KCP: variants seen among roughly 807,000 people sequenced by gnomAD.
KCP encodes the protein kielin/chordin-like protein.
KCP carries 194 observed loss-of-function variants against 212.7 expected under a neutral mutation model. The ratio of observed to expected loss-of-function variants is 0.91; its 90% CI spans 0.81 to 1.03. KCP has a LOEUF of 1.03. Ranked by LOEUF, KCP falls within the 50% of genes least tolerant of loss-of-function variation. The probability of loss-of-function intolerance (pLI) is 0.00; values close to 1 mark genes in which losing one functional copy is unlikely to be tolerated. For missense variants in KCP, 2,080 were observed against 2,162.5 expected (o/e 0.96, Z 0.76); for synonymous variants, 833 against 865.3 (o/e 0.96, Z 0.65).
chr7:128,881,893 GGAA>G, intron 30 of KCP, 41 bp downstream of exon 30: 1 of 1,524,048 alleles, frequency 6.6e-7, no homozygotes, highest in Non-Finnish European at 8.9e-7. Context: ...CCACAGAGAA[GGAA>G]GAAGAGGGGC....
At chr7:128,893,613 CT>C in intron 11 of KCP, 137 bp from the exon 12 acceptor site, 2 of 958,924 alleles carry the variant, frequency 2.1e-6, no homozygotes, top group Admixed American at 2.2e-5. Context: ...CAGCAGCCCC[CT>C]GCCCCCCACA....
intron 7 of KCP, chr7:128,903,131 C>T: frequency 1.9e-6 from 1 of 519,542 alleles, no homozygotes; most frequent in Admixed American, 3.5e-5. Flanking sequence ...CTCGTCACCT[C>T]TCACACCTTC....
Position 128,908,424 on chromosome 7 carries a change from A to G in KCP, c.219+2T>C. 1.3e-6 allele frequency: 2 copies of G among 1,550,978 alleles called. No individual in the cohort carries two copies. Among genetic ancestry groups the G allele is most frequent in the Middle Eastern group, 1.7e-4 (1 of 5,988 alleles). On this transcript the variant is annotated splice_donor_variant, in intron 2 of 39. Coordinates refer to ENST00000610776, the MANE Select transcript of KCP (RefSeq NM_001366122.1). LOFTEE classifies it high-confidence loss of function. Reference sequence around the variant, plus strand: ...TGCAAACCAGCACTGTCTCCATGGTACCTGTTCTCTGAGCTCCATCACTGC... The same window carrying G: ...TGCAAACCAGCACTGTCTCCATGGTGCCTGTTCTCTGAGCTCCATCACTGC...
At position 128,891,694 on chromosome 7, in the gene KCP, G is replaced by A; in HGVS notation, c.1747C>T (p.Pro583Ser). The A allele has an allele frequency of 6.9e-7, 1 of 1,451,892 alleles. No individual in the cohort carries two copies. The highest frequency in any genetic ancestry group is 9.1e-7 in the Non-Finnish European group (1 of 1,100,946). The allele number at this position is 1,451,892 out of a possible 1,614,324, so 89.9% of individuals were successfully genotyped here. ...HCQPRPCPRA[P>S]CAHPLPGTCC... ...GTCCCAGGCAGCGGGTGGGCACAGG[G>A]GGCCCTGGGGCAGGGGCGAGGCTGG... is the stretch of plus-strand genomic sequence containing the variant. The change falls in exon 17 of 40, where the codon CCC becomes TCC. Residue 583 changes from proline (P) to serine (S), a missense_variant. Coordinates refer to ENST00000610776, the MANE Select transcript of KCP (RefSeq NM_001366122.1).
intron 26 of KCP, 40 bp downstream of exon 26, chr7:128,886,424 A>C: frequency 6.7e-7 from 1 of 1,500,204 alleles, no homozygotes; most frequent in African/African-American, 1.4e-5. Flanking sequence ...ACACAGGGCC[A>C]AGGGGCTGAA....
rs1194422569 is a variant in KCP at position 128,877,760 on chromosome 7, A to G, written c.4342T>C (p.Cys1448Arg). ...VSEGLWPGRPCSAGREVDPCR... is the reference protein window; with the variant it reads ...VSEGLWPGRPRSAGREVDPCR... ...GGATCCACCTCTCGGCCTGCAGAAC[A>G]GGGCCGGCCAGGCCACAGCCCCTCT... is the stretch of plus-strand genomic sequence containing the variant. Residue 1448 changes from cysteine to arginine, a missense_variant, in exon 39 of 40, where the codon TGT becomes CGT. Coordinates refer to ENST00000610776, the MANE Select transcript of KCP (RefSeq NM_001366122.1). 1.3e-6 allele frequency: 2 copies of G among 1,550,012 alleles called. No homozygotes were observed. Among genetic ancestry groups the G allele is most frequent in the South Asian group, 2.4e-5 (2 of 84,020 alleles).
chr7:128,879,717 C>T lies in KCP; in HGVS notation c.4044+1G>A. 1 of 1,550,146 alleles carries T rather than the reference C, an allele frequency of 6.5e-7. No individual in the cohort carries two copies. Among genetic ancestry groups the T allele is most frequent in the Non-Finnish European group, 8.7e-7 (1 of 1,146,944 alleles). ...TTCCTCCACTCCTCGGCTTTGCTCA[C>T]CGTGACTGCCCCGTCCTGCAGCAGC... On this transcript the variant is annotated splice_donor_variant, in intron 36 of 39. Transcript: ENST00000610776. LOFTEE classifies it high-confidence loss of function.
At position 128,880,063 on chromosome 7, in the gene KCP, G is replaced by A; in HGVS notation, c.3782C>T (p.Pro1261Leu). Residue 1261 changes from proline (P) to leucine (L), a missense_variant, in exon 35 of 40, where the codon CCT (proline) becomes CTT (leucine). Pro to Leu is a moderately conservative substitution (Grantham distance 98, BLOSUM62 -3). Coordinates refer to ENST00000610776, the MANE Select transcript of KCP (RefSeq NM_001366122.1). ...CAGGCAGCGGGGGCAGCAGCTGCCA[G>A]GACTCAGGGCAGGGGCCTTGTCCTG... The part of the protein sequence containing the change: ...CGPDKAPALS[P>L]GSCCPRCLPR... 6.5e-7 allele frequency: 1 copy of A among 1,545,844 alleles called. No homozygotes were observed. Among genetic ancestry groups the A allele is most frequent in the Non-Finnish European group, 8.7e-7 (1 of 1,145,628 alleles).
At chr7:128,909,902 C>G (rs180817950) in intron 1 of KCP, among the ~76,000 whole-genome samples, 1 of 152,312 alleles carries the variant, frequency 6.6e-6, no homozygotes, top group African/African-American at 2.4e-5. Flanking sequence ...GGTCTCAGTC[C>G]TTCCCAAGCA....
chr7:128,898,342 C>A (rs1794648912), intron 8 of KCP, among the ~76,000 whole-genome samples: 1 of 152,168 alleles, frequency 6.6e-6, no homozygotes, highest in Non-Finnish European at 1.5e-5. Context: ...AGGTGTGAAC[C>A]ACAGCACCCA....
At position 128,888,397 on chromosome 7, in the gene KCP, GATACACAC is replaced by G. The variant is rs200797753; in HGVS notation, c.2512+458_2512+465del. On this transcript the variant is annotated intron_variant, in intron 22 of 39. Transcript: ENST00000610776. ...AGGCCAACACACACAGCCACACACA[GATACACAC>G]ATACACACATACAGCAACACATACA... Among the ~76,000 whole-genome samples, 173 of 121,348 alleles carry G rather than the reference GATACACAC, an allele frequency of 1.4e-3. 3 individuals carry two copies. The East Asian group carries it at 0.039, about 27-fold the overall frequency. 79.6% of individuals were successfully genotyped at this position (121,348 alleles called of 152,430 possible).
chr7:128,880,199 G>T lies in KCP; in HGVS notation c.3760-114C>A, dbSNP rs187726032. ...AGTCTCCAGGGATCTCCAGGACTCTGGCTCCCAGGCTCCCTGTGAGTGAGG... is the reference window on the plus strand; with the variant it reads ...AGTCTCCAGGGATCTCCAGGACTCTTGCTCCCAGGCTCCCTGTGAGTGAGG... On this transcript the variant is annotated intron_variant, in intron 34 of 39. Transcript: ENST00000610776. 161 of 1,306,888 alleles carry T rather than the reference G, an allele frequency of 1.2e-4. 2 individuals are homozygous for T. The East Asian group carries it at 2.7e-3, about 22-fold the overall frequency. The allele number at this position is 1,306,888 out of a possible 1,614,324, so 81.0% of individuals were successfully genotyped here.
At chr7:128,893,113 C>T (rs1255486738) in intron 13 of KCP, 92 bp from the exon 14 acceptor site, 10 of 1,088,626 alleles carry the variant, frequency 9.2e-6, no homozygotes, top group African/African-American at 3.1e-5. Flanking sequence ...TCGCCATCCC[C>T]GCTGACACTG....
rs1049825598 is a variant in KCP, at chr7:128,890,122, G to A, written c.2335+221C>T. On this transcript the variant is annotated intron_variant, in intron 21 of 39. Coordinates refer to ENST00000610776, the MANE Select transcript of KCP (RefSeq NM_001366122.1). ...TTGTGTAGAGACAAGATCTCTCTAT[G>A]TTGCCCAGGCTGGTCTTGAACTCCT... The A allele has an allele frequency of 4.2e-6, 3 of 707,202 alleles. No individual in the cohort carries two copies. In the East Asian group the frequency reaches 8.6e-5, roughly 20 times the overall value. The allele number at this position is 707,202 out of a possible 1,614,324, so 43.8% of individuals were successfully genotyped here.
At chr7:128,889,792 CAG>C (rs946625822) in intron 21 of KCP, among the ~76,000 whole-genome samples, 1 of 152,098 alleles carries the variant, frequency 6.6e-6, no homozygotes, top group Non-Finnish European at 1.5e-5. Flanking sequence ...TGAGGGAAGA[CAG>C]GGGGACTGGG....
At chr7:128,906,395 C>A in intron 4 of KCP, 32 bp from the exon 5 acceptor site, 2 of 1,446,380 alleles carry the variant, frequency 1.4e-6, no homozygotes, top group Non-Finnish European at 1.9e-6. Flanking sequence ...GCTGCACAGA[C>A]ATCAGATTCC....
In KCP at chr7:128,877,372, G is replaced by A. The variant is rs1585187486; in HGVS notation, c.4619-61C>T. On this transcript the variant is annotated intron_variant, in intron 39 of 39. Transcript: ENST00000610776. ...CCTGAAACTGCCCCAGTTGCTGTGCGTACCCCTGCGAGACTCGCCATACCC... is the reference window on the plus strand; with the variant it reads ...CCTGAAACTGCCCCAGTTGCTGTGCATACCCCTGCGAGACTCGCCATACCC... 8 of 1,527,452 alleles carry A rather than the reference G, an allele frequency of 5.2e-6. No individual in the cohort carries two copies. The East Asian group carries it at 9.8e-5, about 19-fold the overall frequency. The allele number at this position is 1,527,452 out of a possible 1,614,324, so 94.6% of individuals were successfully genotyped here.
chr7:128,891,803 T>G lies in KCP; in HGVS notation c.1638A>C (p.Glu546Asp). Reference protein sequence around the residue: ...CPRCPDCILEEEVFVDGESFS... With the variant: ...CPRCPDCILEDEVFVDGESFS... Reference sequence around the variant, plus strand: ...AGCTCTCGCCGTCCACAAACACCTCTTCCTCCAGGATGCAGTCTGGGCAGT... The same window carrying G: ...AGCTCTCGCCGTCCACAAACACCTCGTCCTCCAGGATGCAGTCTGGGCAGT... Residue 546 changes from glutamate (E) to aspartate (D), a missense_variant, in exon 17 of 40, where the codon GAA becomes GAC. By Grantham distance (45) the Glu-to-Asp change is conservative. Coordinates refer to ENST00000610776, the MANE Select transcript of KCP (RefSeq NM_001366122.1). The G allele has an allele frequency of 6.9e-7, 1 of 1,446,058 alleles. No individual in the cohort carries two copies. The highest frequency in any genetic ancestry group is 9.1e-7 in the Non-Finnish European group (1 of 1,097,408). The allele number at this position is 1,446,058 out of a possible 1,614,324, so 89.6% of individuals were successfully genotyped here.
Position 128,891,168 on chromosome 7 carries a change from AG to A in KCP, c.1972+16del. ...GGGGACCCCCAGGGAGGAGCAGCCG[AG>A]GGGTGCGGCCCCTACCTGGGCACTG... On this transcript the variant is annotated intron_variant, in intron 19 of 39. Transcript: ENST00000610776. 1 of 1,540,974 alleles carries A rather than the reference AG, an allele frequency of 6.5e-7. No homozygotes were observed. Among genetic ancestry groups the A allele is most frequent in the Non-Finnish European group, 8.7e-7 (1 of 1,145,898 alleles).
Sources: allele counts gnomAD v4.1 joint callset (sites outside exome capture counted in the v4.1 genomes callset), GRCh38; gene constraint gnomAD v4.1.1; transcripts MANE v1.5; gene names NCBI Gene and HGNC (gene_info 2026-07-23, HGNC 2026-07-21).